Variants in RNF157 observed in about 807,000 individuals in gnomAD.
The protein encoded by RNF157 is ring finger protein 157.
RNF157 carries 55 observed loss-of-function variants against 88.3 expected under a neutral mutation model. The ratio of observed to expected loss-of-function variants is 0.62; its 90% CI spans 0.50 to 0.78. The LOEUF (loss-of-function observed/expected upper bound fraction) is 0.78, where lower values mean the gene tolerates loss of function less well. Ranked by LOEUF, RNF157 falls within the 30% of genes least tolerant of loss-of-function variation. The probability of loss-of-function intolerance (pLI) is 0.00; values close to 1 mark genes in which losing one functional copy is unlikely to be tolerated. For synonymous variants in RNF157, 334 were observed against 341.2 expected, an observed-to-expected ratio of 0.98 and a Z score of 0.23; for missense variants, 788 against 860.8, an observed-to-expected ratio of 0.92 and a Z score of 1.06.
chr17:76,152,548 T>A, intron 17 of RNF157, 83 bp from the exon 18 acceptor site: 6 of 800,370 alleles, frequency 7.5e-6, no homozygotes, highest in Middle Eastern at 2.3e-4. Flanking sequence ...ATCTTAAGGA[T>A]GGAGACAAAA....
At chr17:76,209,752 A>G (rs1182113542) in intron 2 of RNF157, among the ~76,000 whole-genome samples, 1 of 152,074 alleles carries the variant, frequency 6.6e-6, no homozygotes, top group East Asian at 1.9e-4. Context: ...AGAAACGGCT[A>G]CTTTCATTTT....
At chr17:76,185,513 A>ATTTT (rs1568047389) in intron 2 of RNF157, among the ~76,000 whole-genome samples, 2 of 143,774 alleles carry the variant, frequency 1.4e-5, no homozygotes, top group African/African-American at 2.8e-5. Flanking sequence ...TCTGTCGCCC[A>ATTTT]GGCTGGAGTG....
At chr17:76,150,859 C>A (rs1409347169) in intron 18 of RNF157, among the ~76,000 whole-genome samples, 1 of 152,250 alleles carries the variant, frequency 6.6e-6, no homozygotes, top group Non-Finnish European at 1.5e-5. Context: ...GCCCAGCAAG[C>A]TTGGACGGGG....
intron 1 of RNF157, among the ~76,000 whole-genome samples, chr17:76,232,502 G>A (rs996289206): frequency 3.3e-5 from 5 of 152,140 alleles, no homozygotes; most frequent in African/African-American, 1.2e-4. Context: ...ACCAGCTGAT[G>A]TACACTTGGA....
chr17:76,220,011 G>A (rs1228539830), intron 1 of RNF157, among the ~76,000 whole-genome samples: 5 of 152,136 alleles, frequency 3.3e-5, no homozygotes, highest in African/African-American at 1.2e-4. Flanking sequence ...AATGCATGAT[G>A]TGTATTTTAT....
In RNF157 at chr17:76,162,560, C is replaced by T. The variant is rs139469687; in HGVS notation, c.784G>A (p.Asp262Asn). ...TTTTGGGTAAAACTTACCTTAGAAT[C>T]TTGTGTGTTGTACTTGTTTTCAATT... is the stretch of plus-strand genomic sequence containing the variant. ...YGIENKYNTQ[D>N]SKVAEDEVSD... The change falls in exon 9 of 19, where the codon GAT (aspartate) becomes AAT (asparagine). Residue 262 changes from aspartate (D) to asparagine (N), a missense_variant. By Grantham distance (23) the Asp-to-Asn change is conservative. Transcript: ENST00000269391. 43 of 1,612,360 alleles carry T rather than the reference C, an allele frequency of 2.7e-5. No homozygotes were observed. The African/African-American group carries it at 4.4e-4, about 17-fold the overall frequency.
At chr17:76,204,782 C>CTTTCTT (rs772628792) in intron 2 of RNF157, among the ~76,000 whole-genome samples, 70 of 139,768 alleles carry the variant, frequency 5.0e-4, no homozygotes, top group African/African-American at 1.7e-3. Context: ...TTCTTTCTTT[C>CTTTCTT]TTTTTTTTTT....
At chr17:76,164,967 G>T (rs1408408382) in intron 7 of RNF157, among the ~76,000 whole-genome samples, 172 bp from the exon 8 acceptor site, 3 of 152,182 alleles carry the variant, frequency 2.0e-5, no homozygotes, top group Non-Finnish European at 4.4e-5. Flanking sequence ...ACAATATTTT[G>T]AGAGAGAAAG....
At chr17:76,167,232 A>G (rs2068942203) in intron 4 of RNF157, 106 bp from the exon 5 acceptor site, 4 of 827,880 alleles carry the variant, frequency 4.8e-6, no homozygotes, top group Non-Finnish European at 7.9e-6. Flanking sequence ...GGGTCTAGCG[A>G]AGAGAAGAAA....
intron 18 of RNF157, among the ~76,000 whole-genome samples, chr17:76,148,733 G>A (rs904809355): frequency 2.0e-4 from 30 of 151,964 alleles, no homozygotes; most frequent in African/African-American, 7.0e-4. Context: ...ACCAAGCCTG[G>A]CTAATTTTTG....
chr17:76,226,156 A>T lies in RNF157; in HGVS notation c.89-13674T>A, dbSNP rs1212378074. 3.0e-5 allele frequency: 48 copies of T among 1,605,288 alleles called. 1 individual carries two copies. Among genetic ancestry groups the T allele is most frequent in the South Asian group, 2.8e-4 (25 of 89,918 alleles). ...CTGGGCTCATACAGATGCCACTATC[A>T]TTATCTGAAGGGGTGTCTTCCTCCT... On this transcript the variant is annotated intron_variant, in intron 1 of 18. Transcript: ENST00000269391.
chr17:76,181,280 T>C (rs1021782855), intron 2 of RNF157, among the ~76,000 whole-genome samples: 1 of 152,180 alleles, frequency 6.6e-6, no homozygotes, highest in Admixed American at 6.5e-5. Context: ...TTCTGGAAGC[T>C]AGCCAAAAAT....
rs771115054 is a variant in RNF157 at position 76,173,720 on chromosome 17, T to C, written c.278A>G (p.Asp93Gly). The change falls in exon 3 of 19, where the codon GAC becomes GGC. Residue 93 changes from aspartate to glycine, a missense_variant. Coordinates refer to ENST00000269391, the MANE Select transcript of RNF157 (RefSeq NM_052916.3). The stretch of plus-strand genomic sequence containing the variant: ...AACTTACTTGACGAGCCTCAGTGTG[T>C]CCTTTCGGATATTGACCAGGCTTCT... ...TLRSLVNIRK[D>G]TLRLVKCAEE... 2.5e-6 allele frequency: 4 copies of C among 1,609,224 alleles called. No individual in the cohort carries two copies. Among genetic ancestry groups the C allele is most frequent in the East Asian group, 4.5e-5 (2 of 44,802 alleles).
rs958308639 is a variant in RNF157, at chr17:76,145,591, G to A, written c.1922-238C>T. 17 of 435,886 alleles carry A rather than the reference G, an allele frequency of 3.9e-5. No individual in the cohort carries two copies. The South Asian group carries it at 7.0e-4, about 18-fold the overall frequency. The allele number at this position is 435,886 out of a possible 1,614,324, so 27.0% of individuals were successfully genotyped here. On this transcript the variant is annotated intron_variant, in intron 18 of 18. Coordinates refer to ENST00000269391, the MANE Select transcript of RNF157 (RefSeq NM_052916.3). The stretch of plus-strand genomic sequence containing the variant: ...TACAGTCACTGCCACTGTGGCTCCC[G>A]GACAGGGAGGGACATGAAAGATGTT...
chr17:76,166,156 G>A lies in RNF157; in HGVS notation c.628+305C>T, dbSNP rs141299067. ...TACCCAGCTGATTTTTGTATTTTTA[G>A]TAGAGACAGGGTTTCCCCATGTTGC... On this transcript the variant is annotated intron_variant, in intron 6 of 18. Transcript: ENST00000269391. Among the ~76,000 whole-genome samples, 462 of 152,258 alleles carry A rather than the reference G, an allele frequency of 3.0e-3. 2 individuals are homozygous for A. Among genetic ancestry groups the A allele is most frequent in the African/African-American group, 0.01 (424 of 41,544 alleles).
At chr17:76,179,998 A>T (rs2069165193) in intron 2 of RNF157, among the ~76,000 whole-genome samples, 1 of 152,220 alleles carries the variant, frequency 6.6e-6, no homozygotes, top group Non-Finnish European at 1.5e-5. Flanking sequence ...AAGGAAGACC[A>T]GATAAAGTCT....
Position 76,149,501 on chromosome 17 carries a change from C to A in RNF157, c.1921+2854G>T, listed in dbSNP as rs181157260. 4.3e-3 allele frequency among the ~76,000 whole-genome samples: 647 copies of A among 152,230 alleles called. 6 individuals carry two copies. Among genetic ancestry groups the A allele is most frequent in the Non-Finnish European group, 7.5e-3 (511 of 68,018 alleles). On this transcript the variant is annotated intron_variant, in intron 18 of 18. Transcript: ENST00000269391. The stretch of plus-strand genomic sequence containing the variant: ...GCCCCAGGATAGAAAGCTGAACTTA[C>A]AGCTGAGTGTGAAGACGCCTATTTA...
chr17:76,194,963 C>T (rs1307358434), intron 2 of RNF157, among the ~76,000 whole-genome samples: 1 of 151,926 alleles, frequency 6.6e-6, no homozygotes, highest in Admixed American at 6.6e-5. Flanking sequence ...TACAGTGAGC[C>T]GAGATAGCAC....
At chr17:76,159,197 C>G in intron 12 of RNF157, 138 bp downstream of exon 12, 1 of 724,704 alleles carries the variant, frequency 1.4e-6, no homozygotes, top group South Asian at 1.7e-5. Flanking sequence ...GATGGGATAA[C>G]CTTCACGCAA....
Sources: gnomAD v4.1 joint callset for allele counts (sites outside exome capture counted in the v4.1 genomes callset) on GRCh38, gnomAD v4.1.1 for gene constraint, MANE v1.5 for transcripts, NCBI Gene and HGNC (gene_info 2026-07-23, HGNC 2026-07-21) for gene names.